The following GALNT18 variants were observed in gnomAD, a reference collection of about 807,000 sequenced individuals.
GALNT18 encodes the protein polypeptide N-acetylgalactosaminyltransferase 18.
Under a neutral mutation model 69.5 loss-of-function variants are expected in GALNT18, and 44 were observed. The ratio of observed to expected loss-of-function variants is 0.63; its 90% CI spans 0.50 to 0.81. The LOEUF is 0.81. Ranked by LOEUF, GALNT18 falls within the 40% of genes least tolerant of loss-of-function variation. The pLI is 0.00. For synonymous variants in GALNT18, 364 were observed against 318.2 expected, an observed-to-expected ratio of 1.14 and a Z score of -1.53; for missense variants, 715 against 810.0, an observed-to-expected ratio of 0.88 and a Z score of 1.42.
chr11:11,564,587 C>T lies in GALNT18; in HGVS notation c.235+56772G>A, dbSNP rs375286135. The stretch of plus-strand genomic sequence containing the variant: ...TGAAAACTGTCAGAGCTCATCAGCA[C>T]GGTGGCAATGCAGGCAGCCCCCAAT... On this transcript the variant is annotated intron_variant, in intron 1 of 10. Transcript: ENST00000227756. The surrounding 1 kb of genome is among the most constrained non-coding windows in gnomAD (Gnocchi z 4.3). Among the ~76,000 whole-genome samples, 22 of 152,280 alleles carry T rather than the reference C, an allele frequency of 1.4e-4. No homozygotes were observed. In the East Asian group the frequency reaches 3.3e-3, roughly 23 times the overall value.
chr11:11,483,871 C>A (rs980816800), intron 1 of GALNT18, among the ~76,000 whole-genome samples: 1 of 152,008 alleles, frequency 6.6e-6, no homozygotes, highest in South Asian at 2.1e-4. Flanking sequence ...GGCTCCTTTC[C>A]GTGTGTTTTT....
In GALNT18 at chr11:11,320,870, G is replaced by A. The variant is rs1422760827; in HGVS notation, c.1512+6216C>T. ...ATCCCTACCCCTTCCTGGGAAATGT[G>A]TGTAATCTGAGGCTGGTCCCAAACC... On this transcript the variant is annotated intron_variant, in intron 9 of 10. Transcript: ENST00000227756. This position sits in a 1 kb window ranked among gnomAD's most constrained non-coding sequence, Gnocchi z 4.9. Among the ~76,000 whole-genome samples, 2 of 152,076 alleles carry A rather than the reference G, an allele frequency of 1.3e-5. No individual in the cohort carries two copies. The highest frequency in any genetic ancestry group is 4.8e-5 in the African/African-American group (2 of 41,400).
chr11:11,288,963 T>C (rs920222084), intron 10 of GALNT18, among the ~76,000 whole-genome samples: 43 of 152,182 alleles, frequency 2.8e-4, no homozygotes, highest in Admixed American at 2.8e-3. Context: ...TAGTGCATAA[T>C]GTGAAACCAG....
chr11:11,424,575 T>A (rs970284573), intron 3 of GALNT18, among the ~76,000 whole-genome samples: 2 of 152,126 alleles, frequency 1.3e-5, no homozygotes, highest in Admixed American at 1.3e-4. Flanking sequence ...CTGGGTTAGT[T>A]GTTGTTGGGG....
intron 7 of GALNT18, among the ~76,000 whole-genome samples, chr11:11,336,507 C>CA (rs1334489900): frequency 1.3e-5 from 2 of 152,206 alleles, no homozygotes; most frequent in Non-Finnish European, 2.9e-5. Flanking sequence ...AAAGTCTTTA[C>CA]ATGTATTAAC....
At position 11,620,168 on chromosome 11, in the gene GALNT18, C is replaced by A. The variant is rs985487549; in HGVS notation, c.235+1191G>T. On this transcript the variant is annotated intron_variant, in intron 1 of 10. Coordinates refer to ENST00000227756, the MANE Select transcript of GALNT18 (RefSeq NM_198516.3). This position sits in a 1 kb window ranked among gnomAD's most constrained non-coding sequence, Gnocchi z 6.9. Reference sequence around the variant, plus strand: ...TGGGGGGTAAGCCTTCAGTTCAATTCGATTTTGCCAAGGTCTGCCATGCAC... The same window carrying A: ...TGGGGGGTAAGCCTTCAGTTCAATTAGATTTTGCCAAGGTCTGCCATGCAC... Among the ~76,000 whole-genome samples, 1 of 151,868 alleles carries A rather than the reference C, an allele frequency of 6.6e-6. No individual in the cohort carries two copies. The highest frequency in any genetic ancestry group is 2.4e-5 in the African/African-American group (1 of 41,324).
Position 11,465,885 on chromosome 11 carries a change from C to T in GALNT18, c.236-16949G>A, listed in dbSNP as rs1283309896. On this transcript the variant is annotated intron_variant, in intron 1 of 10. Transcript: ENST00000227756. The surrounding 1 kb of genome is among the most constrained non-coding windows in gnomAD (Gnocchi z 5.7). ...ACTTCTGCCTTCTTCCCTGGCCTCA[C>T]TGCATGGCTCACCAGTGCTCTGCTC... Among the ~76,000 whole-genome samples the T allele has an allele frequency of 7.2e-5, 11 of 152,292 alleles. No individual in the cohort carries two copies.
intron 3 of GALNT18, among the ~76,000 whole-genome samples, chr11:11,406,440 A>G (rs1259914025): frequency 6.6e-6 from 1 of 152,208 alleles, no homozygotes; most frequent in Non-Finnish European, 1.5e-5. Context: ...CATAGGGCTA[A>G]CTTTTTATAC....
At chr11:11,405,323 C>T (rs915300048) in intron 3 of GALNT18, among the ~76,000 whole-genome samples, 4 of 152,210 alleles carry the variant, frequency 2.6e-5, no homozygotes, top group African/African-American at 7.2e-5. Flanking sequence ...ATTCCCACTA[C>T]ACTTATATTG....
In GALNT18 at chr11:11,592,919, G is replaced by GT. The variant is rs1331918929; in HGVS notation, c.235+28439dup. On this transcript the variant is annotated intron_variant, in intron 1 of 10. Transcript: ENST00000227756. This position sits in a 1 kb window ranked among gnomAD's most constrained non-coding sequence, Gnocchi z 5.9. Reference sequence around the variant, plus strand: ...ACAGAGGACGCCCATGCTTCGCGTTGTTTTTTTCTGTTTGTTTTTTGTTTT... The same window carrying GT: ...ACAGAGGACGCCCATGCTTCGCGTTGTTTTTTTTCTGTTTGTTTTTTGTTTT... Among the ~76,000 whole-genome samples the GT allele has an allele frequency of 2.4e-4, 36 of 151,620 alleles. No homozygotes were observed. Among genetic ancestry groups the GT allele is most frequent in the African/African-American group, 8.0e-4 (33 of 41,006 alleles).
chr11:11,491,765 A>AC (rs1467949010), intron 1 of GALNT18, among the ~76,000 whole-genome samples: 5 of 152,130 alleles, frequency 3.3e-5, no homozygotes, highest in African/African-American at 1.2e-4. Flanking sequence ...GATTGGATGG[A>AC]CCAGGCCAAG....
intron 3 of GALNT18, among the ~76,000 whole-genome samples, chr11:11,394,664 C>T (rs752615567): frequency 7.9e-5 from 12 of 152,228 alleles, no homozygotes; most frequent in Non-Finnish European, 1.3e-4. Context: ...CTAAGCTCCA[C>T]GCCTCAATCA....
intron 5 of GALNT18, among the ~76,000 whole-genome samples, chr11:11,376,812 G>C (rs2129532): frequency 0.63 from 95,259 of 151,814 alleles, 30,780 homozygotes; most frequent in Non-Finnish European, 0.71. Flanking sequence ...TTTCAATGCA[G>C]TTTCTGCCTG....
intron 1 of GALNT18, among the ~76,000 whole-genome samples, chr11:11,599,841 T>A (rs958727258): frequency 6.6e-6 from 1 of 152,034 alleles, no homozygotes; most frequent in African/African-American, 2.4e-5. Flanking sequence ...TATGAATACA[T>A]TGTAAAGTGA....
intron 6 of GALNT18, chr11:11,352,762 C>T (rs2133069003): frequency 6.2e-7 from 1 of 1,614,166 alleles, no homozygotes; most frequent in Non-Finnish European, 8.5e-7. Context: ...TGCTTGAAGT[C>T]TGTGTTGTTT....
rs138257648 is a variant in GALNT18, at chr11:11,513,155, G to A, written c.236-64219C>T. On this transcript the variant is annotated intron_variant, in intron 1 of 10. Transcript: ENST00000227756. ...TGGAGTCACGGACACTCAGACCTGG[G>A]CTCAAGTCCAAACTTGAGTGCTCAC... 4.2e-3 allele frequency among the ~76,000 whole-genome samples: 641 copies of A among 152,274 alleles called. 1 individual carries two copies. The highest frequency in any genetic ancestry group is 6.1e-3 in the Non-Finnish European group (418 of 68,028).
chr11:11,279,670 T>C (rs1421424031), intron 10 of GALNT18, among the ~76,000 whole-genome samples: 1 of 152,184 alleles, frequency 6.6e-6, no homozygotes, highest in Non-Finnish European at 1.5e-5. Context: ...ATTCTATTTA[T>C]ATAAACCTCC....
chr11:11,556,185 T>C (rs770320902), intron 1 of GALNT18, among the ~76,000 whole-genome samples: 4 of 152,110 alleles, frequency 2.6e-5, no homozygotes, highest in Non-Finnish European at 5.9e-5. Context: ...CTACGTGAAG[T>C]TGGGATAAAC....
At chr11:11,510,279 A>C (rs1345090079) in intron 1 of GALNT18, among the ~76,000 whole-genome samples, 13 of 152,326 alleles carry the variant, frequency 8.5e-5, no homozygotes, top group Middle Eastern at 3.4e-3. Context: ...CTGGCACTAA[A>C]GTACACAAAC....
Sources: gnomAD v4.1 joint callset for allele counts (sites outside exome capture counted in the v4.1 genomes callset) on GRCh38, gnomAD v4.1.1 for gene constraint, Gnocchi (gnomAD v3.1) non-coding constraint, MANE v1.5 for transcripts, NCBI Gene and HGNC (gene_info 2026-07-23, HGNC 2026-07-21) for gene names.